The following DCDC1 variants were observed in gnomAD, a reference collection of about 807,000 sequenced individuals.
DCDC1 encodes the protein doublecortin domain-containing protein 1.
DCDC1 carries 200 observed loss-of-function variants against 178.3 expected under a neutral mutation model. The ratio of observed to expected loss-of-function variants is 1.12; its 90% confidence interval spans 1.00 to 1.26. DCDC1 has a LOEUF of 1.26. DCDC1 is among the 50% of genes most tolerant of loss of function. The pLI is 0.00. For missense variants in DCDC1, 1,983 were observed against 1,749.2 expected (o/e 1.13, Z -2.38); for synonymous variants, 690 against 604.8 (o/e 1.14, Z -2.07).
intron 10 of DCDC1, among the ~76,000 whole-genome samples, chr11:31,135,578 C>A (rs771257574): frequency 6.6e-6 from 1 of 152,120 alleles, no homozygotes; most frequent in Non-Finnish European, 1.5e-5. Context: ...AGTAATCACA[C>A]AGAAATTATC....
At chr11:31,054,595 G>A (rs1176464867) in intron 20 of DCDC1, among the ~76,000 whole-genome samples, 1 of 152,126 alleles carries the variant, frequency 6.6e-6, no homozygotes, top group Non-Finnish European at 1.5e-5. Flanking sequence ...ATACTATAAG[G>A]CCATAGTCAC....
chr11:30,923,236 C>T (rs1174992702), intron 23 of DCDC1, among the ~76,000 whole-genome samples: 1 of 152,154 alleles, frequency 6.6e-6, no homozygotes, highest in Non-Finnish European at 1.5e-5. Context: ...AGCTGATGCA[C>T]AGCAGGCACC....
At position 30,865,101 on chromosome 11, in the gene DCDC1, C is replaced by A. The variant is rs549766922; in HGVS notation, c.*272G>T. 6.6e-6 allele frequency: 1 copy of A among 152,288 alleles called. No homozygotes were observed. Among genetic ancestry groups the A allele is most frequent in the African/African-American group, 2.4e-5 (1 of 41,574 alleles). The allele number at this position is 152,288 out of a possible 1,614,324, so 9.4% of individuals were successfully genotyped here. A position where few individuals can be genotyped will look rare whatever the true frequency, so the allele number is the denominator to read the frequency against. Reference sequence around the variant, plus strand: ...AAAGAGAAAAGATGCCCAGAGCAGTCTGTTAGAGTTGCATTCTCAGACTAA... The same window carrying A: ...AAAGAGAAAAGATGCCCAGAGCAGTATGTTAGAGTTGCATTCTCAGACTAA... On this transcript the variant is annotated 3_prime_UTR_variant, in exon 39 of 39. Transcript: ENST00000684477.
intron 3 of DCDC1, among the ~76,000 whole-genome samples, chr11:31,310,366 T>G (rs1314930459): frequency 7.6e-6 from 1 of 131,194 alleles, no homozygotes; most frequent in African/African-American, 3.0e-5. Flanking sequence ...TTGCCCAGGC[T>G]GGAGTGCAGT....
At chr11:31,181,063 G>C (rs767126787) in intron 9 of DCDC1, among the ~76,000 whole-genome samples, 21 of 152,098 alleles carry the variant, frequency 1.4e-4, no homozygotes, top group Non-Finnish European at 2.5e-4. Flanking sequence ...GCTTGAGTAG[G>C]TGGTTTTCCC....
At position 31,100,023 on chromosome 11, in the gene DCDC1, C is replaced by A. The variant is rs184315090; in HGVS notation, c.1983+2154G>T. ...TGAGCCACTGCACCCAGCTGATGGG[C>A]AGGATTTTAATAGCCTTTATTGAAC... On this transcript the variant is annotated intron_variant, in intron 15 of 38. Transcript: ENST00000684477. 6.7e-3 allele frequency among the ~76,000 whole-genome samples: 1,014 copies of A among 152,196 alleles called. 5 individuals carry two copies. Among genetic ancestry groups the A allele is most frequent in the Admixed American group, 8.7e-3 (133 of 15,288 alleles).
intron 2 of DCDC1, among the ~76,000 whole-genome samples, chr11:31,335,215 G>A (rs1291961315): frequency 3.3e-5 from 5 of 152,190 alleles, no homozygotes; most frequent in Non-Finnish European, 4.4e-5. Context: ...AAGCAGGTGC[G>A]GGATATAATC....
intron 3 of DCDC1, among the ~76,000 whole-genome samples, chr11:31,321,226 G>A (rs1949324322): frequency 1.5e-5 from 1 of 65,974 alleles, no homozygotes. Flanking sequence ...AAGCAAGCCT[G>A]GGCAATGGCG....
intron 8 of DCDC1, among the ~76,000 whole-genome samples, chr11:31,248,727 G>T (rs1163566683): frequency 1.3e-5 from 2 of 152,090 alleles, no homozygotes; most frequent in African/African-American, 2.4e-5. Context: ...CAATAAAAAT[G>T]GAGGATTCCC....
chr11:31,356,569 C>T (rs1276183299), intron 1 of DCDC1, among the ~76,000 whole-genome samples: 1 of 150,670 alleles, frequency 6.6e-6, no homozygotes, highest in Non-Finnish European at 1.5e-5. Flanking sequence ...TACCAGAAGG[C>T]AAGAAATAAC....
chr11:31,293,548 G>A (rs754236136), intron 6 of DCDC1, among the ~76,000 whole-genome samples: 29 of 152,220 alleles, frequency 1.9e-4, no homozygotes, highest in Admixed American at 5.2e-4. Flanking sequence ...TCCTCAAATT[G>A]TGTCCCAGTG....
At chr11:30,986,049 T>C (rs1163495953) in intron 20 of DCDC1, among the ~76,000 whole-genome samples, 2 of 152,178 alleles carry the variant, frequency 1.3e-5, no homozygotes, top group Non-Finnish European at 2.9e-5. Flanking sequence ...TTCTGTAGTG[T>C]ATAAATCCAG....
intron 11 of DCDC1, among the ~76,000 whole-genome samples, chr11:31,111,843 G>C (rs1242532212): frequency 1.3e-5 from 2 of 152,108 alleles, no homozygotes; most frequent in African/African-American, 4.8e-5. Flanking sequence ...GCTAGACATG[G>C]AGTCAGAGTG....
Position 31,077,922 on chromosome 11 carries a change from ATGTC to A in DCDC1, c.2238-1_2240del. Reference sequence around the variant, plus strand: ...CCCACTTCTGAGAGTCATCTCCACTATGTCTGTAACGAAAATGTAATTTAGAGAT... The same window carrying A: ...CCCACTTCTGAGAGTCATCTCCACTATGTAACGAAAATGTAATTTAGAGAT... On this transcript the variant is annotated splice_acceptor_variant and coding_sequence_variant, in exon 18 of 39. Transcript: ENST00000684477. LOFTEE classifies it high-confidence loss of function. 2.6e-6 allele frequency: 2 copies of A among 766,106 alleles called. No individual in the cohort carries two copies. The highest frequency in any genetic ancestry group is 4.8e-6 in the Non-Finnish European group (2 of 417,702). 47.5% of individuals were successfully genotyped at this position (766,106 alleles called of 1,614,324 possible).
intron 20 of DCDC1, among the ~76,000 whole-genome samples, chr11:31,000,972 C>A (rs559161052): frequency 6.6e-6 from 1 of 152,158 alleles, no homozygotes; most frequent in South Asian, 2.1e-4. Flanking sequence ...ATATGCTGAT[C>A]CTTAGCAAAT....
At chr11:31,242,890 T>C (rs1041811495) in intron 8 of DCDC1, among the ~76,000 whole-genome samples, 1 of 151,900 alleles carries the variant, frequency 6.6e-6, no homozygotes, top group Non-Finnish European at 1.5e-5. Flanking sequence ...TCTAATACGT[T>C]CAACACTAAG....
chr11:30,924,447 A>G (rs938473651), intron 23 of DCDC1, among the ~76,000 whole-genome samples: 8 of 152,164 alleles, frequency 5.3e-5, no homozygotes, highest in Non-Finnish European at 1.0e-4. Context: ...GTAGGCATCA[A>G]TCAAGGAAGG....
At chr11:30,953,610 G>T (rs958670922) in intron 20 of DCDC1, among the ~76,000 whole-genome samples, 1 of 152,076 alleles carries the variant, frequency 6.6e-6, no homozygotes, top group East Asian at 1.9e-4. Flanking sequence ...GGTTCAAATA[G>T]AAATCAATAA....
chr11:30,920,472 C>G (rs575136265), intron 25 of DCDC1, among the ~76,000 whole-genome samples: 2 of 152,182 alleles, frequency 1.3e-5, no homozygotes, highest in African/African-American at 4.8e-5. Context: ...ATCCTGAAGT[C>G]AATGATTATG....
Sources: allele counts gnomAD v4.1 joint callset (sites outside exome capture counted in the v4.1 genomes callset), GRCh38; gene constraint gnomAD v4.1.1; transcripts MANE v1.5; gene names NCBI Gene and HGNC (gene_info 2026-07-23, HGNC 2026-07-21).